P2RY8: variants seen among roughly 807,000 people sequenced by gnomAD.
P2RY8 encodes the protein S-geranylgeranyl-glutathione receptor P2RY8.
In P2RY8, 6 loss-of-function variants were observed where a neutral mutation model predicts 10.0. The ratio of observed to expected loss-of-function variants is 0.60; its 90% CI spans 0.33 to 1.19. The LOEUF is 1.19. Among genes scored for constraint, P2RY8 ranks in the 50% most tolerant of loss-of-function variants. The pLI is 0.04. For missense variants in P2RY8, 456 were observed against 542.0 expected, an observed-to-expected ratio of 0.84 and a Z score of 1.58; for synonymous variants, 276 against 252.5, an observed-to-expected ratio of 1.09 and a Z score of -0.88.
chrX:1,475,344 C>A (rs1331489447), intron 1 of P2RY8, among the ~76,000 whole-genome samples: 1 of 151,796 alleles, frequency 6.6e-6, no homozygotes, highest in Non-Finnish European at 1.5e-5. Context: ...ATGCTTCTAT[C>A]CACCATGAAA....
chrX:1,465,449 C>A lies in P2RY8; in HGVS notation c.*30G>T. On this transcript the variant is annotated 3_prime_UTR_variant, in exon 2 of 2. Transcript: ENST00000381297. ...GCGCCCCTGGATCTCCAAGCTGCGC[C>A]CCCGGCTCTCCAAGCTGCGCCCCCG... is the stretch of plus-strand genomic sequence containing the variant. The A allele has an allele frequency of 5.7e-6, 9 of 1,571,356 alleles. No individual in the cohort carries two copies. The highest frequency in any genetic ancestry group is 1.2e-5 in the South Asian group (1 of 85,278).
At chrX:1,481,119 A>G (rs2091930138) in intron 1 of P2RY8, among the ~76,000 whole-genome samples, 1 of 152,028 alleles carries the variant, frequency 6.6e-6, no homozygotes, top group African/African-American at 2.4e-5. Flanking sequence ...TGGTCACAAG[A>G]AGACGGTCCC....
At chrX:1,532,918 G>T in intron 1 of P2RY8, among the ~76,000 whole-genome samples, 1 of 134,104 alleles carries the variant, frequency 7.5e-6, no homozygotes, top group Non-Finnish European at 1.5e-5. Context: ...CAGGAGAATC[G>T]CTTGAATCCG....
chrX:1,508,704 T>TCCATCTATTCTATCTATCTA (rs1201683452), intron 1 of P2RY8, among the ~76,000 whole-genome samples: 2 of 111,974 alleles, frequency 1.8e-5, no homozygotes, highest in African/African-American at 3.4e-5. Flanking sequence ...CATCCATCCA[T>TCCATCTATTCTATCTATCTA]TCTATCTATC....
At chrX:1,510,191 A>G (rs141621653) in intron 1 of P2RY8, among the ~76,000 whole-genome samples, 1,718 of 152,170 alleles carry the variant, frequency 0.011, 28 homozygotes, top group East Asian at 0.073. Context: ...CTATCATCTA[A>G]TCTATTCATC....
At chrX:1,495,800 A>G (rs111481963) in intron 1 of P2RY8, among the ~76,000 whole-genome samples, 33,281 of 121,562 alleles carry the variant, frequency 0.27, 7,800 homozygotes, top group East Asian at 0.65. Flanking sequence ...ACCCTCCAGG[A>G]CTGTGGGAGA....
At chrX:1,509,718 TATGC>T in intron 1 of P2RY8, among the ~76,000 whole-genome samples, 1 of 141,682 alleles carries the variant, frequency 7.1e-6, no homozygotes, top group African/African-American at 2.8e-5. Context: ...TTATTCTATC[TATGC>T]ATCTATGTAT....
At chrX:1,484,633 C>A (rs1165180002) in intron 1 of P2RY8, among the ~76,000 whole-genome samples, 1 of 144,030 alleles carries the variant, frequency 6.9e-6, no homozygotes, top group Non-Finnish European at 1.5e-5. Context: ...GAGGCTGAGA[C>A]GGGAGAATTG....
chrX:1,529,292 G>A (rs1386156388), intron 1 of P2RY8, among the ~76,000 whole-genome samples: 1 of 152,130 alleles, frequency 6.6e-6, no homozygotes, highest in African/African-American at 2.4e-5. Flanking sequence ...AGAAATGGAA[G>A]GAAGTGATCC....
At chrX:1,531,770 T>C (rs73186989) in intron 1 of P2RY8, among the ~76,000 whole-genome samples, 10,767 of 152,000 alleles carry the variant, frequency 0.071, 526 homozygotes, top group Non-Finnish European at 0.1. Context: ...ATCAACGCAG[T>C]CCTCAAGGTC....
At chrX:1,476,527 C>A (rs1251440826) in intron 1 of P2RY8, among the ~76,000 whole-genome samples, 3 of 151,248 alleles carry the variant, frequency 2.0e-5, no homozygotes, top group Non-Finnish European at 4.4e-5. Context: ...GCAGAGCTTG[C>A]AGTAAGCCTA....
rs758611086 is a variant in P2RY8 at position 1,466,362 on chromosome X, C to G, written c.197G>C (p.Ser66Thr). Reference protein sequence around the residue: ...SPSVIFMINLSVTDLMLASVL... With the variant: ...SPSVIFMINLTVTDLMLASVL... The stretch of plus-strand genomic sequence containing the variant: ...GCTGGCCAGCATCAGGTCCGTGACG[C>G]TCAGGTTGATCATGAAGATGACCGA... The change falls in exon 2 of 2, where the codon AGC (serine) becomes ACC (threonine). Residue 66 changes from serine to threonine, a missense_variant. Transcript: ENST00000381297. 7 of 1,613,710 alleles carry G rather than the reference C, an allele frequency of 4.3e-6. No homozygotes were observed. The highest frequency in any genetic ancestry group is 5.9e-6 in the Non-Finnish European group (7 of 1,179,858).
intron 1 of P2RY8, among the ~76,000 whole-genome samples, chrX:1,523,888 AC>A (rs1447690947): frequency 2.0e-5 from 3 of 151,800 alleles, no homozygotes; most frequent in Admixed American, 6.6e-5. Flanking sequence ...TCACTAAAAA[AC>A]CCTGTTGGCC....
chrX:1,504,950 G>A (rs2092216979), intron 1 of P2RY8, among the ~76,000 whole-genome samples: 1 of 151,946 alleles, frequency 6.6e-6, no homozygotes, highest in South Asian at 2.1e-4. Flanking sequence ...GGCTAACACG[G>A]TGAAACCCTG....
chrX:1,516,129 G>A (rs1202220582), intron 1 of P2RY8, among the ~76,000 whole-genome samples: 3 of 151,388 alleles, frequency 2.0e-5, no homozygotes, highest in Admixed American at 6.6e-5. Flanking sequence ...CCTGGGAGGC[G>A]GAGGTTGCAG....
chrX:1,509,763 A>G (rs1434368688), intron 1 of P2RY8, among the ~76,000 whole-genome samples: 72 of 100,484 alleles, frequency 7.2e-4, no homozygotes, highest in South Asian at 1.5e-3. Context: ...CTATCTATCT[A>G]TCTATCTATC....
intron 1 of P2RY8, among the ~76,000 whole-genome samples, chrX:1,482,239 G>T (rs769265046): frequency 1.3e-5 from 2 of 150,414 alleles, no homozygotes; most frequent in South Asian, 4.2e-4. Context: ...ACTCTGGAAG[G>T]CAGGAAGCCA....
rs1349115305 is a variant in P2RY8 at position 1,526,652 on chromosome X, A to G, written c.-25+10269T>C. Among the ~76,000 whole-genome samples the G allele has an allele frequency of 2.7e-5, 4 of 149,460 alleles. No individual in the cohort carries two copies. The South Asian group carries it at 6.4e-4, about 24-fold the overall frequency. ...CATCCACTCATTTATCCACTCATTC[A>G]TTCCTTATCCATCCACTTATTCAGC... On this transcript the variant is annotated intron_variant, in intron 1 of 1. Transcript: ENST00000381297.
intron 1 of P2RY8, among the ~76,000 whole-genome samples, chrX:1,474,807 T>A (rs1266976725): frequency 1.1e-4 from 16 of 146,200 alleles, no homozygotes; most frequent in African/African-American, 3.8e-4. Context: ...GATAGATGGG[T>A]GGCTGGATAG....
Sources: gnomAD v4.1 joint callset for allele counts (sites outside exome capture counted in the v4.1 genomes callset) on GRCh38, gnomAD v4.1.1 for gene constraint, MANE v1.5 for transcripts, NCBI Gene and HGNC (gene_info 2026-07-23, HGNC 2026-07-21) for gene names.